The following SNX29 variants were observed in gnomAD, a reference collection of about 807,000 sequenced individuals.
SNX29 encodes the protein sorting nexin 29, also known as sorting nexin-29.
SNX29 carries 78 observed loss-of-function variants against 102.1 expected under a neutral mutation model. The observed-to-expected ratio is 0.76, with a 90% confidence interval of 0.64 to 0.92. The LOEUF (loss-of-function observed/expected upper bound fraction) is 0.92. Among genes scored for constraint, SNX29 ranks in the 40% least tolerant of loss-of-function variants. SNX29 has a pLI of 0.00. For synonymous variants in SNX29, 580 were observed against 414.5 expected (o/e 1.40, Z -4.85); for missense variants, 1,280 against 1,061.7 (o/e 1.21, Z -2.86).
intron 3 of SNX29, among the ~76,000 whole-genome samples, chr16:12,018,814 C>T (rs977871448): frequency 6.6e-6 from 1 of 151,246 alleles, no homozygotes; most frequent in Non-Finnish European, 1.5e-5. Context: ...TCTCGAACTC[C>T]TGGGCTCAAG....
rs2082129248 is a variant in SNX29, at chr16:12,356,166, G to A, written c.1786G>A (p.Ala596Thr). ...CCTTTCCGTGCTTGTGTTCCAGGTG[G>A]CAGAGATGCATGGCGAGCTGATTGA... The part of the protein sequence containing the change: ...SSYERKLIEV[A>T]EMHGELIEFN... Residue 596 changes from alanine to threonine, a missense_variant, in exon 16 of 21, where the codon GCA becomes ACA. By Grantham distance (58) the Ala-to-Thr change is moderately conservative. Coordinates refer to ENST00000566228, the MANE Select transcript of SNX29 (RefSeq NM_032167.5). The A allele has an allele frequency of 6.2e-7, 1 of 1,612,066 alleles. No homozygotes were observed. Among genetic ancestry groups the A allele is most frequent in the Non-Finnish European group, 8.5e-7 (1 of 1,179,296 alleles).
chr16:12,195,546 C>G (rs972851218), intron 13 of SNX29, among the ~76,000 whole-genome samples: 11 of 152,314 alleles, frequency 7.2e-5, no homozygotes, highest in African/African-American at 2.6e-4. Flanking sequence ...GTTCCTTAGC[C>G]TCTCTTAGCA....
chr16:12,155,130 G>A (rs1378256619), intron 13 of SNX29, among the ~76,000 whole-genome samples: 7 of 151,990 alleles, frequency 4.6e-5, no homozygotes, highest in East Asian at 1.9e-4. Flanking sequence ...TCCTGCCCCC[G>A]TTGGTTGCCC....
chr16:12,147,963 G>T (rs1307329509), intron 13 of SNX29, among the ~76,000 whole-genome samples: 1 of 152,206 alleles, frequency 6.6e-6, no homozygotes, highest in Non-Finnish European at 1.5e-5. Flanking sequence ...CAGCAGCGAT[G>T]CAGTTTAAAG....
intron 20 of SNX29, among the ~76,000 whole-genome samples, chr16:12,565,158 A>G (rs2078944422): frequency 2.0e-5 from 3 of 152,116 alleles, no homozygotes; most frequent in African/African-American, 4.8e-5. Context: ...GCCAGTTTAC[A>G]TACTCCCAGT....
intron 9 of SNX29, among the ~76,000 whole-genome samples, chr16:12,068,060 T>G (rs887730867): frequency 2.6e-5 from 4 of 152,156 alleles, no homozygotes; most frequent in African/African-American, 9.7e-5. Flanking sequence ...CCCTCTACTG[T>G]CTGATTCAAG....
At chr16:12,122,578 G>A (rs111891315) in intron 11 of SNX29, among the ~76,000 whole-genome samples, 5,637 of 152,182 alleles carry the variant, frequency 0.037, 240 homozygotes, top group African/African-American at 0.087. Context: ...ACAGAGGCAC[G>A]AGAGAAGGAG....
chr16:12,409,439 T>C (rs1420373187), intron 18 of SNX29, among the ~76,000 whole-genome samples: 1 of 146,030 alleles, frequency 6.8e-6, no homozygotes, highest in Non-Finnish European at 1.5e-5. Flanking sequence ...TTTTTTTTTT[T>C]TTTTTTTGAG....
chr16:12,519,339 A>C (rs568045988), intron 19 of SNX29, among the ~76,000 whole-genome samples: 1 of 152,184 alleles, frequency 6.6e-6, no homozygotes, highest in African/African-American at 2.4e-5. Flanking sequence ...ATTGCATTCA[A>C]CCTATTAAAG....
intron 13 of SNX29, among the ~76,000 whole-genome samples, chr16:12,158,553 C>G (rs950112719): frequency 2.6e-5 from 4 of 152,214 alleles, no homozygotes; most frequent in Admixed American, 6.5e-5. Flanking sequence ...AGCATTCTCA[C>G]ATATTTTGTG....
intron 18 of SNX29, among the ~76,000 whole-genome samples, chr16:12,443,774 C>A (rs1646304): frequency 5.3e-5 from 8 of 152,170 alleles, no homozygotes; most frequent in African/African-American, 1.4e-4. Flanking sequence ...AAAGCCAGTC[C>A]AAACTCTGCC....
At chr16:12,546,240 C>T (rs897143324) in intron 20 of SNX29, 1 of 152,216 alleles carries the variant, frequency 6.6e-6, no homozygotes, top group Non-Finnish European at 1.5e-5. Context: ...GTAAACTTGA[C>T]CTCTTTTCGA....
rs576952916 is a variant in SNX29 at position 12,011,024 on chromosome 16, G to A, written c.122+7981G>A. Among the ~76,000 whole-genome samples, 86 of 152,056 alleles carry A rather than the reference G, an allele frequency of 5.7e-4. No individual in the cohort carries two copies. The South Asian group carries it at 0.017, about 29-fold the overall frequency. On this transcript the variant is annotated intron_variant, in intron 3 of 20. Transcript: ENST00000566228. ...CTCTAACTAGTTTGAGGTGTTGACTGGATGTTACGATTCTTGTCATCCTGA... is the reference window on the plus strand; with the variant it reads ...CTCTAACTAGTTTGAGGTGTTGACTAGATGTTACGATTCTTGTCATCCTGA...
At chr16:12,043,147 C>A in intron 5 of SNX29, 70 bp downstream of exon 5, 1 of 1,567,842 alleles carries the variant, frequency 6.4e-7, no homozygotes, top group Non-Finnish European at 8.6e-7. Context: ...TGGAATCAGA[C>A]CACCTGGATT....
chr16:12,254,369 G>A (rs1009380051), intron 14 of SNX29, among the ~76,000 whole-genome samples: 8 of 152,172 alleles, frequency 5.3e-5, no homozygotes, highest in Non-Finnish European at 1.2e-4. Context: ...TGGAGAAGGA[G>A]GCCAGGCGCA....
chr16:12,308,183 G>A (rs1294061080), intron 15 of SNX29, among the ~76,000 whole-genome samples: 4 of 152,204 alleles, frequency 2.6e-5, no homozygotes, highest in East Asian at 1.9e-4. Context: ...ATGGCACCTC[G>A]CTGGTGGTGC....
At chr16:12,539,142 C>G (rs149889649) in intron 20 of SNX29, among the ~76,000 whole-genome samples, 4 of 152,148 alleles carry the variant, frequency 2.6e-5, no homozygotes, top group African/African-American at 7.2e-5. Flanking sequence ...TTACACAGTG[C>G]AATTGACTTT....
intron 15 of SNX29, among the ~76,000 whole-genome samples, chr16:12,346,923 C>A (rs572340549): frequency 6.6e-6 from 1 of 152,240 alleles, no homozygotes; most frequent in Admixed American, 6.5e-5. Flanking sequence ...GAAATGATGA[C>A]CAACATTGGG....
intron 14 of SNX29, among the ~76,000 whole-genome samples, chr16:12,206,033 C>A (rs902820750): frequency 1.3e-5 from 2 of 152,204 alleles, no homozygotes; most frequent in Non-Finnish European, 2.9e-5. Context: ...TAGTGCCACC[C>A]AAATAATGTG....
Sources: gnomAD v4.1 joint callset for allele counts (sites outside exome capture counted in the v4.1 genomes callset) on GRCh38, gnomAD v4.1.1 for gene constraint, MANE v1.5 for transcripts, NCBI Gene and HGNC (gene_info 2026-07-23, HGNC 2026-07-21) for gene names.